Variants in RBFOX3 observed in about 807,000 individuals in gnomAD.
RBFOX3 encodes the protein RNA binding protein fox-1 homolog 3.
Under a neutral mutation model 48.7 loss-of-function variants are expected in RBFOX3, and 17 were observed. That is an observed-to-expected ratio of 0.35 (90% CI 0.24 to 0.52). RBFOX3 has a LOEUF of 0.52. RBFOX3 is among the 20% of genes least tolerant of loss of function. The pLI is 0.94. For missense variants in RBFOX3, 382 were observed against 497.5 expected (o/e 0.77, Z 2.21); for synonymous variants, 212 against 209.5 (o/e 1.01, Z -0.10).
intron 4 of RBFOX3, among the ~76,000 whole-genome samples, chr17:79,222,542 T>C (rs1167238973): frequency 6.6e-6 from 1 of 152,226 alleles, no homozygotes; most frequent in Non-Finnish European, 1.5e-5. Flanking sequence ...CAGCATTCTG[T>C]AGCCCCTTGC....
At chr17:79,518,744 G>A (rs2085625876) in intron 1 of RBFOX3, among the ~76,000 whole-genome samples, 1 of 152,238 alleles carries the variant, frequency 6.6e-6, no homozygotes, top group Non-Finnish European at 1.5e-5. Flanking sequence ...AAGCAACACG[G>A]TGCAGAGTAG....
At chr17:79,337,807 G>A (rs1039798019) in intron 2 of RBFOX3, among the ~76,000 whole-genome samples, 1 of 152,014 alleles carries the variant, frequency 6.6e-6, no homozygotes, top group African/African-American at 2.4e-5. Context: ...ATACAGTTGA[G>A]TTTACTATAT....
chr17:79,168,385 G>A (rs866560963), intron 4 of RBFOX3, among the ~76,000 whole-genome samples: 1 of 152,260 alleles, frequency 6.6e-6, no homozygotes, highest in African/African-American at 2.4e-5. Flanking sequence ...TGACCAAATG[G>A]AAATAGTCAA....
At chr17:79,223,573 G>A (rs1249875516) in intron 4 of RBFOX3, among the ~76,000 whole-genome samples, 1 of 152,202 alleles carries the variant, frequency 6.6e-6, no homozygotes, top group East Asian at 1.9e-4. Flanking sequence ...GGGCCAGGCT[G>A]TGACATTTGC....
At chr17:79,100,063 C>T (rs947745363) in intron 9 of RBFOX3, 1 of 152,272 alleles carries the variant, frequency 6.6e-6, no homozygotes, top group South Asian at 2.1e-4. Flanking sequence ...GCAAAGGTTC[C>T]CACCTCCCTC....
chr17:79,322,831 G>A (rs919844105), intron 2 of RBFOX3, among the ~76,000 whole-genome samples: 1 of 152,198 alleles, frequency 6.6e-6, no homozygotes. Flanking sequence ...CAGCACTGGA[G>A]CTCCCCAAGT....
the RBFOX3 span, among the ~76,000 whole-genome samples, chr17:79,661,401 T>A: frequency 6.6e-6 from 1 of 152,232 alleles, no homozygotes; most frequent in Non-Finnish European, 1.5e-5. Flanking sequence ...GTGAGGTTCA[T>A]AGAGTATAGA....
At chr17:79,574,436 C>T (rs1440389530) in intron 1 of RBFOX3, among the ~76,000 whole-genome samples, 1 of 152,174 alleles carries the variant, frequency 6.6e-6, no homozygotes, top group African/African-American at 2.4e-5. Context: ...CCTCACTGCT[C>T]ACTGTGCGGT....
intron 3 of RBFOX3, among the ~76,000 whole-genome samples, chr17:79,268,164 TC>T (rs1432931948): frequency 9.6e-5 from 1 of 10,368 alleles, no homozygotes; most frequent in Admixed American, 3.6e-3. Flanking sequence ...TGGCTTCTCG[TC>T]TGCGAGTCTG....
At chr17:79,309,169 C>A (rs1375695871) in intron 2 of RBFOX3, among the ~76,000 whole-genome samples, 2 of 151,956 alleles carry the variant, frequency 1.3e-5, no homozygotes, top group Non-Finnish European at 2.9e-5. Context: ...CTTGTTATAG[C>A]AGCCCCAGCC....
At chr17:79,556,359 GGTGGCA>G (rs1317410187) in intron 1 of RBFOX3, among the ~76,000 whole-genome samples, 1 of 152,180 alleles carries the variant, frequency 6.6e-6, no homozygotes, top group Non-Finnish European at 1.5e-5. Flanking sequence ...AGTTCCATTC[GGTGGCA>G]GGAGGAGGAG....
chr17:79,453,232 GC>G (rs2073871689), intron 2 of RBFOX3, among the ~76,000 whole-genome samples: 1 of 152,244 alleles, frequency 6.6e-6, no homozygotes, highest in South Asian at 2.1e-4. Context: ...CAGCGGCCAT[GC>G]TGGCCACACC....
chr17:79,223,471 C>A (rs533544686), intron 4 of RBFOX3, among the ~76,000 whole-genome samples: 26 of 152,360 alleles, frequency 1.7e-4, no homozygotes, highest in African/African-American at 5.8e-4. Flanking sequence ...CCCACTGGGG[C>A]AACCCCCAGT....
intron 4 of RBFOX3, among the ~76,000 whole-genome samples, chr17:79,166,683 C>T (rs2048077580): frequency 6.6e-6 from 1 of 152,178 alleles, no homozygotes; most frequent in African/African-American, 2.4e-5. Context: ...CCGAGGGAAG[C>T]CCCCAGGCCA....
Position 79,095,564 on chromosome 17 carries a change from GCGTAGCCTC to G in RBFOX3, c.938_946del (p.Gly313_Tyr315del). Reference sequence around the variant, plus strand: ...AGCGGGCTGAGCGTATCTGTAGGCTGCGTAGCCTCCCTGCAGGGTAAGTGGGAGGAGAGA... The same window carrying G: ...AGCGGGCTGAGCGTATCTGTAGGCTGCCTGCAGGGTAAGTGGGAGGAGAGA... On this transcript the variant is annotated inframe_deletion and splice_region_variant, in exon 13 of 15. Coordinates refer to ENST00000693108, the MANE Select transcript of RBFOX3 (RefSeq NM_001350451.2). 6.4e-7 allele frequency: 1 copy of G among 1,551,326 alleles called. No homozygotes were observed.
At chr17:79,164,337 G>C (rs112375516) in intron 4 of RBFOX3, among the ~76,000 whole-genome samples, 7 of 152,200 alleles carry the variant, frequency 4.6e-5, no homozygotes, top group Non-Finnish European at 1.5e-5. Flanking sequence ...GGGCAGCACC[G>C]TGCTGAGCTC....
At chr17:79,400,696 T>C (rs1255861198) in intron 2 of RBFOX3, among the ~76,000 whole-genome samples, 1 of 152,034 alleles carries the variant, frequency 6.6e-6, no homozygotes, top group South Asian at 2.1e-4. Context: ...GTAAGCGGGG[T>C]GTCCCAAATG....
At chr17:79,463,595 AC>A (rs1251971952) in intron 2 of RBFOX3, among the ~76,000 whole-genome samples, 59 of 138,420 alleles carry the variant, frequency 4.3e-4, no homozygotes, top group Non-Finnish European at 8.6e-4. Context: ...CGCCACCTCC[AC>A]CACCATCGCC....
At chr17:79,351,051 G>A (rs1260813579) in intron 2 of RBFOX3, among the ~76,000 whole-genome samples, 4 of 152,316 alleles carry the variant, frequency 2.6e-5, no homozygotes, top group African/African-American at 4.8e-5. Context: ...TTCACCCGAC[G>A]TAATGTTTTC....
Sources: gnomAD v4.1 joint callset for allele counts (sites outside exome capture counted in the v4.1 genomes callset) on GRCh38, gnomAD v4.1.1 for gene constraint, MANE v1.5 for transcripts, NCBI Gene and HGNC (gene_info 2026-07-23, HGNC 2026-07-21) for gene names.